OPCML: variants seen among roughly 807,000 people sequenced by gnomAD.
OPCML encodes the protein opioid-binding protein/cell adhesion molecule.
Under a neutral mutation model 37.8 loss-of-function variants are expected in OPCML, and 13 were observed. The ratio of observed to expected loss-of-function variants is 0.34; its 90% CI spans 0.22 to 0.55. OPCML has a LOEUF of 0.55. Among genes scored for constraint, OPCML ranks in the 20% least tolerant of loss-of-function variants. OPCML has a pLI of 0.91. For synonymous variants in OPCML, 176 were observed against 168.8 expected (o/e 1.04, Z -0.33); for missense variants, 341 against 435.6 (o/e 0.78, Z 1.93).
chr11:132,720,885 C>T (rs1367107900), intron 2 of OPCML, among the ~76,000 whole-genome samples: 3 of 151,796 alleles, frequency 2.0e-5, no homozygotes, highest in African/African-American at 7.3e-5. Context: ...TCATTTTTTT[C>T]CCTAATAGCT....
chr11:133,006,196 T>C (rs375949130), intron 1 of OPCML: 1 of 847,318 alleles, frequency 1.2e-6, no homozygotes, highest in Non-Finnish European at 1.4e-6. Context: ...CCATCTGTAG[T>C]AGGGAGGAGC....
chr11:132,820,619 G>T (rs1366493206), intron 2 of OPCML, among the ~76,000 whole-genome samples: 5 of 152,172 alleles, frequency 3.3e-5, no homozygotes, highest in Non-Finnish European at 7.3e-5. Context: ...AAATCAAGGA[G>T]TTTGATGGGA....
intron 2 of OPCML, among the ~76,000 whole-genome samples, chr11:132,706,326 A>T (rs1246568351): frequency 6.6e-6 from 1 of 152,126 alleles, no homozygotes; most frequent in South Asian, 2.1e-4. Flanking sequence ...TCTCTCTCTC[A>T]TATTTTTCTG....
At chr11:133,076,027 C>T (rs1233280064) in intron 1 of OPCML, among the ~76,000 whole-genome samples, 1 of 152,110 alleles carries the variant, frequency 6.6e-6, no homozygotes, top group South Asian at 2.1e-4. Context: ...ATTGGTATTA[C>T]TAATTTTTAG....
intron 1 of OPCML, among the ~76,000 whole-genome samples, chr11:133,134,870 G>T (rs1444381135): frequency 6.6e-6 from 1 of 152,200 alleles, no homozygotes; most frequent in African/African-American, 2.4e-5. Flanking sequence ...GCTCAGAGCT[G>T]TTGTGCATAA....
intron 2 of OPCML, among the ~76,000 whole-genome samples, chr11:132,747,713 T>C (rs887421600): frequency 4.6e-5 from 7 of 152,048 alleles, no homozygotes; most frequent in Non-Finnish European, 1.0e-4. Context: ...AAGGGAGAAG[T>C]TTATATTAGA....
intron 1 of OPCML, among the ~76,000 whole-genome samples, chr11:133,122,526 G>T (rs142400878): frequency 4.6e-5 from 7 of 152,200 alleles, no homozygotes; most frequent in Admixed American, 3.3e-4. Flanking sequence ...ACATCCTCCT[G>T]GGTGCTTAGA....
chr11:132,568,647 G>A (rs770279900), intron 3 of OPCML, among the ~76,000 whole-genome samples: 1 of 152,234 alleles, frequency 6.6e-6, no homozygotes, highest in African/African-American at 2.4e-5. Flanking sequence ...GAAAGGGTGA[G>A]GAAATATTTC....
intron 1 of OPCML, among the ~76,000 whole-genome samples, chr11:133,515,859 G>T (rs1435716595): frequency 1.4e-5 from 2 of 147,292 alleles, no homozygotes; most frequent in African/African-American, 5.3e-5. Context: ...AAAAAAAAAA[G>T]TTTCTACTGA....
Position 133,329,566 on chromosome 11 carries a change from A to C in OPCML, c.61+202698T>G, listed in dbSNP as rs573535871. On this transcript the variant is annotated intron_variant, in intron 1 of 7. Transcript: ENST00000524381. Reference sequence around the variant, plus strand: ...CCATCTGATCTTTGACAAACCTGACAAAAACAAGCAATGAATGGGGAAAGG... The same window carrying C: ...CCATCTGATCTTTGACAAACCTGACCAAAACAAGCAATGAATGGGGAAAGG... Among the ~76,000 whole-genome samples, 8 of 152,322 alleles carry C rather than the reference A, an allele frequency of 5.3e-5. No homozygotes were observed. The South Asian group carries it at 1.7e-3, about 32-fold the overall frequency.
chr11:132,646,629 C>T (rs942792834), intron 3 of OPCML, among the ~76,000 whole-genome samples: 6 of 152,050 alleles, frequency 3.9e-5, no homozygotes, highest in South Asian at 2.1e-4. Context: ...GAGAGAATGA[C>T]GTTATTGGAC....
At chr11:133,414,641 C>G (rs948823704) in intron 1 of OPCML, among the ~76,000 whole-genome samples, 13 of 152,292 alleles carry the variant, frequency 8.5e-5, no homozygotes, top group Admixed American at 2.0e-4. Context: ...ATCCCGCAGG[C>G]TTTGAGACGA....
At chr11:133,221,535 G>A (rs755710897) in intron 1 of OPCML, among the ~76,000 whole-genome samples, 7 of 152,168 alleles carry the variant, frequency 4.6e-5, no homozygotes, top group African/African-American at 1.2e-4. Context: ...ATTCGGAAAC[G>A]CTGAAGCTCT....
chr11:132,869,858 C>A (rs965802374), intron 2 of OPCML, among the ~76,000 whole-genome samples: 4 of 152,144 alleles, frequency 2.6e-5, no homozygotes, highest in African/African-American at 9.7e-5. Flanking sequence ...AGCACAGATG[C>A]ACCTCTCCTG....
intron 1 of OPCML, among the ~76,000 whole-genome samples, chr11:133,090,123 T>C (rs1221039304): frequency 6.6e-6 from 1 of 152,200 alleles, no homozygotes; most frequent in Non-Finnish European, 1.5e-5. Flanking sequence ...AGCCCATTTA[T>C]GGAGCATCCT....
chr11:133,326,834 G>A (rs1357011210), intron 1 of OPCML, among the ~76,000 whole-genome samples: 1 of 145,852 alleles, frequency 6.9e-6, no homozygotes, highest in Non-Finnish European at 1.5e-5. Flanking sequence ...GGTTGTGGGT[G>A]TATGATTGTG....
intron 1 of OPCML, among the ~76,000 whole-genome samples, chr11:133,152,810 G>T (rs1056415753): frequency 1.4e-4 from 21 of 151,902 alleles, no homozygotes; most frequent in African/African-American, 4.3e-4. Context: ...CTAAGCCGAA[G>T]CCCCAGCACG....
At position 132,855,098 on chromosome 11, in the gene OPCML, G is replaced by A. The variant is rs558703810; in HGVS notation, c.146+87828C>T. On this transcript the variant is annotated intron_variant, in intron 2 of 7. Coordinates refer to ENST00000524381, the MANE Select transcript of OPCML (RefSeq NM_001012393.5). The stretch of plus-strand genomic sequence containing the variant: ...TTCTGCTAAAATGGAGGCATAATTT[G>A]TATAATTCCTTACAGCTCAGGAGTC... 3.4e-3 allele frequency among the ~76,000 whole-genome samples: 525 copies of A among 152,282 alleles called. 5 individuals are homozygous for A. Among genetic ancestry groups the A allele is most frequent in the Non-Finnish European group, 6.2e-3 (421 of 68,018 alleles).
intron 1 of OPCML, among the ~76,000 whole-genome samples, chr11:133,248,395 C>T (rs1303453297): frequency 6.6e-6 from 1 of 152,192 alleles, no homozygotes; most frequent in Non-Finnish European, 1.5e-5. Flanking sequence ...ATGCAGATAG[C>T]CTGCTGGTGG....
Sources: allele counts gnomAD v4.1 joint callset (sites outside exome capture counted in the v4.1 genomes callset), GRCh38; gene constraint gnomAD v4.1.1; transcripts MANE v1.5; gene names NCBI Gene and HGNC (gene_info 2026-07-23, HGNC 2026-07-21).